CLN3: variants seen among roughly 807,000 people sequenced by gnomAD.
The protein encoded by CLN3 is battenin.
CLN3 carries 49 observed loss-of-function variants against 60.7 expected under a neutral mutation model. The observed-to-expected ratio is 0.81, with a 90% CI of 0.64 to 1.02. The LOEUF (loss-of-function observed/expected upper bound fraction) is 1.02. CLN3 is among the 50% of genes least tolerant of loss of function. The probability of loss-of-function intolerance (pLI) is 0.00; values close to 1 mark genes in which losing one functional copy is unlikely to be tolerated. For missense variants in CLN3, 516 were observed against 557.4 expected (o/e 0.93, Z 0.75); for synonymous variants, 256 against 245.8 (o/e 1.04, Z -0.39).
downstream of CLN3, among the ~76,000 whole-genome samples, chr16:28,470,892 C>T (rs2045946060): frequency 8.6e-6 from 1 of 116,348 alleles, no homozygotes; most frequent in Non-Finnish European, 1.8e-5. Context: ...CTGCTATCCG[C>T]CAAACCTTCT....
chr16:28,491,202 T>G, intron 3 of CLN3: 1 of 484,708 alleles, frequency 2.1e-6, no homozygotes, highest in South Asian at 3.5e-5. Flanking sequence ...AAGTTTTCTT[T>G]TTAAAAATAT....
At chr16:28,491,649 C>T in intron 2 of CLN3, 65 bp downstream of exon 2, 2 of 1,613,940 alleles carry the variant, frequency 1.2e-6, no homozygotes, top group Non-Finnish European at 1.7e-6. Context: ...AGTCAGCTCT[C>T]ATTCCCCTCA....
At chr16:28,486,126 T>C (rs2046211399) in intron 9 of CLN3, among the ~76,000 whole-genome samples, 1 of 151,818 alleles carries the variant, frequency 6.6e-6, no homozygotes. Context: ...GCCTCCTGAG[T>C]AGTTGGGACT....
rs1555468032 is a variant in CLN3 at position 28,481,460 on chromosome 16, A to ACACACACG, written c.1056+644_1056+645insCGTGTGTG. ...CACACACACACACACACACGCACAC[A>ACACACACG]CACACACACACACACTACAAAATCT... On this transcript the variant is annotated intron_variant, in intron 14 of 15. Transcript: ENST00000636147. 8.0e-3 allele frequency among the ~76,000 whole-genome samples: 1,195 copies of ACACACACG among 148,704 alleles called. 11 individuals carry two copies. The highest frequency in any genetic ancestry group is 0.013 in the Non-Finnish European group (862 of 66,658).
Position 28,491,481 on chromosome 16 carries a change from C to G in CLN3, c.125+1G>C, listed in dbSNP as rs775616181. 2 of 1,613,352 alleles carry G rather than the reference C, an allele frequency of 1.2e-6. No homozygotes were observed. Among genetic ancestry groups the G allele is most frequent in the Admixed American group, 3.3e-5 (2 of 60,010 alleles). ...ACTCGCTGAAGTCTCAGGCCACTCA[C>G]CAGAAGCCCACCGCGTTCTTCCAAT... On this transcript the variant is annotated splice_donor_variant, in intron 3 of 15. Coordinates refer to ENST00000636147, the MANE Select transcript of CLN3 (RefSeq NM_001042432.2). LOFTEE classifies it high-confidence loss of function.
At chr16:28,483,506 A>C (rs1311553266) in intron 10 of CLN3, among the ~76,000 whole-genome samples, 1 of 147,608 alleles carries the variant, frequency 6.8e-6, no homozygotes, top group Admixed American at 6.8e-5. Flanking sequence ...ACAGGTATGA[A>C]CCACCACGCC....
intron 3 of CLN3, chr16:28,490,302 T>C (rs1304528829): frequency 6.6e-6 from 1 of 151,104 alleles, no homozygotes; most frequent in Non-Finnish European, 1.5e-5. Context: ...AAATTAGCTG[T>C]GTCTGGTGGC....
intron 15 of CLN3, 29 bp from the exon 16 acceptor site, chr16:28,477,664 T>C: frequency 6.2e-7 from 1 of 1,613,992 alleles, no homozygotes; most frequent in African/African-American, 1.3e-5. Context: ...GGGGTGAGGC[T>C]TCAGTCCCAG....
chr16:28,470,706 A>T (rs1467578993), downstream of CLN3, among the ~76,000 whole-genome samples: 1 of 149,878 alleles, frequency 6.7e-6, no homozygotes, highest in Non-Finnish European at 1.5e-5. Context: ...GGGCACCTGG[A>T]GGAGGTGGAG....
At position 28,489,291 on chromosome 16, in the gene CLN3, T is replaced by C. The variant is rs1180074704; in HGVS notation, c.221A>G (p.His74Arg). The change falls in exon 4 of 16, where the codon CAT (histidine) becomes CGT (arginine). Residue 74 changes from histidine (H) to arginine (R), a missense_variant and splice_region_variant. Physicochemically the swap from His to Arg is conservative, Grantham distance 29. Transcript: ENST00000636147. ...TGGTGGTGGTAGAGAGTCACTTACA[T>C]GGCTCTGGTTTCCCGATGTCCTCTT... ...SHKRTSGNQS[H>R]VDPGPTPIPH... The C allele has an allele frequency of 8.1e-6, 13 of 1,610,718 alleles. No individual in the cohort carries two copies. The highest frequency in any genetic ancestry group is 1.3e-5 in the African/African-American group (1 of 74,874).
In CLN3 at chr16:28,477,955, C is replaced by T; in HGVS notation, c.1057-78G>A. 3 of 1,552,134 alleles carry T rather than the reference C, an allele frequency of 1.9e-6. No homozygotes were observed. The South Asian group carries it at 3.4e-5, about 18-fold the overall frequency. On this transcript the variant is annotated intron_variant, in intron 14 of 15. Coordinates refer to ENST00000636147, the MANE Select transcript of CLN3 (RefSeq NM_001042432.2). ...GAGGTGGCCTCCCCTCCAGGGGTCCCTGGTTTTAGGAGTTACTGGTGAAGG... is the reference window on the plus strand; with the variant it reads ...GAGGTGGCCTCCCCTCCAGGGGTCCTTGGTTTTAGGAGTTACTGGTGAAGG...
At chr16:28,484,416 A>G in intron 9 of CLN3, 2 of 385,878 alleles carry the variant, frequency 5.2e-6, no homozygotes, top group South Asian at 2.4e-5. Context: ...TGGTGCAATC[A>G]TAGCTCACTG....
downstream of CLN3, chr16:28,476,701 G>C (rs1013318151): frequency 6.6e-6 from 1 of 152,364 alleles, no homozygotes; most frequent in African/African-American, 2.4e-5. Context: ...ACATAGAACA[G>C]GGTGGCGCAT....
chr16:28,475,121 G>A (rs2045980644), downstream of CLN3, among the ~76,000 whole-genome samples: 1 of 152,012 alleles, frequency 6.6e-6, no homozygotes, highest in South Asian at 2.1e-4. Flanking sequence ...ATGGTGGTGC[G>A]TGCCTGCAGT....
intron 5 of CLN3, 125 bp downstream of exon 5, chr16:28,488,466 C>T (rs1416549168): frequency 1.6e-5 from 13 of 809,034 alleles, no homozygotes; most frequent in African/African-American, 1.2e-4. Flanking sequence ...TGAGCCAGTG[C>T]GCCCAGCCCA....
chr16:28,482,905 A>G (rs925544788), intron 10 of CLN3, among the ~76,000 whole-genome samples: 1 of 152,006 alleles, frequency 6.6e-6, no homozygotes, highest in Admixed American at 6.6e-5. Context: ...GGAGTTCAAG[A>G]CCACCCTGGC....
At chr16:28,487,266 TC>T in intron 7 of CLN3, 189 bp downstream of exon 7, 1 of 657,550 alleles carries the variant, frequency 1.5e-6, no homozygotes, top group Non-Finnish European at 2.8e-6. Flanking sequence ...ATCCATTTTC[TC>T]CCATCTCCTC....
At chr16:28,491,931 G>T (rs1596568373) in intron 1 of CLN3, 89 bp downstream of exon 1, 29 of 855,444 alleles carry the variant, frequency 3.4e-5, no homozygotes, top group Middle Eastern at 3.4e-4. Context: ...GAAGCTGGGG[G>T]CTCCATCTCG....
intron 9 of CLN3, among the ~76,000 whole-genome samples, chr16:28,485,918 C>CAA (rs2046206272): frequency 6.6e-6 from 1 of 151,960 alleles, no homozygotes; most frequent in Non-Finnish European, 1.5e-5. Flanking sequence ...CTGGGGCTAT[C>CAA]AGAGTCCAGA....
Sources: allele counts gnomAD v4.1 joint callset (sites outside exome capture counted in the v4.1 genomes callset), GRCh38; gene constraint gnomAD v4.1.1; transcripts MANE v1.5; gene names NCBI Gene and HGNC (gene_info 2026-07-23, HGNC 2026-07-21).